Variants in ZFR2 observed in about 807,000 individuals in gnomAD.
ZFR2 encodes the protein zinc finger RNA-binding protein 2.
A neutral mutation model predicts 105.7 loss-of-function variants in ZFR2; 104 were observed. The observed-to-expected ratio is 0.98, with a 90% CI of 0.84 to 1.16. The LOEUF is 1.16. Among genes scored for constraint, ZFR2 ranks in the 50% most tolerant of loss-of-function variants. The pLI is 0.00. For synonymous variants in ZFR2, 634 were observed against 597.7 expected, an observed-to-expected ratio of 1.06 and a Z score of -0.89; for missense variants, 1,425 against 1,355.5, an observed-to-expected ratio of 1.05 and a Z score of -0.80.
intron 5 of ZFR2, among the ~76,000 whole-genome samples, chr19:3,830,973 GCA>G (rs199859043): frequency 1.4e-5 from 2 of 145,334 alleles, no homozygotes; most frequent in South Asian, 2.3e-4. Flanking sequence ...GCACACACAT[GCA>G]CACACATACA....
chr19:3,811,065 C>A (rs904186398), intron 15 of ZFR2, among the ~76,000 whole-genome samples: 2 of 152,194 alleles, frequency 1.3e-5, no homozygotes, highest in African/African-American at 4.8e-5. Flanking sequence ...AGGGCAGCAC[C>A]CACTCCTTCC....
intron 1 of ZFR2, chr19:3,855,558 TGCTGCGC>T: frequency 2.6e-6 from 2 of 769,764 alleles, no homozygotes; most frequent in Non-Finnish European, 3.5e-6. Context: ...TCCAGGAGGG[TGCTGCGC>T]GATAGTCCAG....
At chr19:3,843,899 G>A (rs1366210660) in intron 1 of ZFR2, among the ~76,000 whole-genome samples, 1 of 151,814 alleles carries the variant, frequency 6.6e-6, no homozygotes, top group Non-Finnish European at 1.5e-5. Context: ...TGGATGAACC[G>A]TGAGGACATC....
intron 1 of ZFR2, among the ~76,000 whole-genome samples, chr19:3,863,862 C>T (rs905635540): frequency 2.6e-5 from 4 of 152,166 alleles, no homozygotes; most frequent in African/African-American, 9.7e-5. Flanking sequence ...CCAGTGACTG[C>T]CCCCAAGCCT....
In ZFR2 at chr19:3,821,414, C is replaced by T. The variant is rs200354406; in HGVS notation, c.1557G>A (p.Glu519=). 5 of 1,611,314 alleles carry T rather than the reference C, an allele frequency of 3.1e-6. No individual in the cohort carries two copies. Among genetic ancestry groups the T allele is most frequent in the Non-Finnish European group, 4.2e-6 (5 of 1,178,822 alleles). ...EPSSRARKVL[E]ERMRKQRHLA... Reference sequence around the variant, plus strand: ...GGTGCCGCTGCTTCCTCATGCGCTCCTCCAGGACCTTCCGAGCCCGGCTGC... The same window carrying T: ...GGTGCCGCTGCTTCCTCATGCGCTCTTCCAGGACCTTCCGAGCCCGGCTGC... The change falls in exon 10 of 19, where the codon GAG becomes GAA. Residue 519 remains glutamate, a synonymous_variant. Transcript: ENST00000262961.
In ZFR2 at chr19:3,844,018, G is replaced by GT. The variant is rs111852649; in HGVS notation, c.54-9036_54-9035insA. Among the ~76,000 whole-genome samples, 25 of 119,026 alleles carry GT rather than the reference G, an allele frequency of 2.1e-4. 1 individual carries two copies. In the East Asian group the frequency reaches 3.6e-3, roughly 17 times the overall value. The allele number at this position is 119,026 out of a possible 152,430, so 78.1% of individuals were successfully genotyped here. On this transcript the variant is annotated intron_variant, in intron 1 of 18. Coordinates refer to ENST00000262961, the MANE Select transcript of ZFR2 (RefSeq NM_015174.2). The stretch of plus-strand genomic sequence containing the variant: ...CAGAGACAGAAAGTAGGATGTGGGG[G>GT]GGGGGGTGCCAGGGACCGGGGAGGG...
intron 3 of ZFR2, 79 bp downstream of exon 3, chr19:3,833,585 A>T: frequency 8.2e-7 from 1 of 1,217,594 alleles, no homozygotes; most frequent in Non-Finnish European, 1.1e-6. Context: ...AAAAAAAAAA[A>T]AAAGTAAGTT....
chr19:3,863,053 A>T (rs369364488), intron 1 of ZFR2, among the ~76,000 whole-genome samples: 8 of 152,218 alleles, frequency 5.3e-5, no homozygotes, highest in African/African-American at 1.7e-4. Flanking sequence ...CGGACTCTCC[A>T]GGGCAGCCTG....
In ZFR2 at chr19:3,804,791, T is replaced by C. The variant is rs73521109; in HGVS notation, c.*1158A>G. The C allele has an allele frequency of 0.072, 11,028 of 152,582 alleles. 1,198 individuals carry two copies. Among genetic ancestry groups the C allele is most frequent in the African/African-American group, 0.24 (9,915 of 41,486 alleles). 9.5% of individuals were successfully genotyped at this position (152,582 alleles called of 1,614,324 possible). On this transcript the variant is annotated 3_prime_UTR_variant, in exon 19 of 19. Transcript: ENST00000262961. ...AGCTCCCCTGGGCTTGTCCTGCACA[T>C]GTGGTGGGGCCCCAGAACAGGGCCT...
chr19:3,822,217 C>T lies in ZFR2; in HGVS notation c.1372-17G>A. On this transcript the variant is annotated splice_polypyrimidine_tract_variant and intron_variant, in intron 8 of 18. Transcript: ENST00000262961. ...GCTGAACACCTGAGACACAGAACAGCCGCACGCGCACCAGGCACGAGGCGG... is the reference window on the plus strand; with the variant it reads ...GCTGAACACCTGAGACACAGAACAGTCGCACGCGCACCAGGCACGAGGCGG... 1.3e-6 allele frequency: 2 copies of T among 1,568,962 alleles called. No individual in the cohort carries two copies. Among genetic ancestry groups the T allele is most frequent in the Non-Finnish European group, 1.7e-6 (2 of 1,156,518 alleles).
chr19:3,818,293 T>C (rs2037847375), intron 12 of ZFR2, among the ~76,000 whole-genome samples: 2 of 151,938 alleles, frequency 1.3e-5, no homozygotes, highest in African/African-American at 2.4e-5. Flanking sequence ...TAGCGAGACC[T>C]CTCCCTGCTA....
chr19:3,867,281 GAC>G (rs1453334561), intron 1 of ZFR2, among the ~76,000 whole-genome samples: 1 of 135,696 alleles, frequency 7.4e-6, no homozygotes, highest in Non-Finnish European at 1.6e-5. Context: ...ACACAAGGGT[GAC>G]ACGCGGAAAT....
At chr19:3,841,288 C>A (rs1302490088) in intron 1 of ZFR2, among the ~76,000 whole-genome samples, 1 of 152,238 alleles carries the variant, frequency 6.6e-6, no homozygotes, top group Non-Finnish European at 1.5e-5. Flanking sequence ...CACTCCTCGG[C>A]AGGGCCATGG....
intron 17 of ZFR2, 74 bp downstream of exon 17, chr19:3,808,798 C>G: frequency 7.9e-7 from 1 of 1,266,902 alleles, no homozygotes; most frequent in Non-Finnish European, 1.1e-6. Flanking sequence ...CCCCAGCTCT[C>G]TGTGCCATGG....
At chr19:3,828,954 T>C (rs1461882490) in intron 5 of ZFR2, among the ~76,000 whole-genome samples, 1 of 139,194 alleles carries the variant, frequency 7.2e-6, no homozygotes, top group Admixed American at 8.4e-5. Context: ...TCTCTGGAAC[T>C]TAGGAATCTT....
chr19:3,826,326 C>A (rs2037949245), intron 6 of ZFR2, among the ~76,000 whole-genome samples: 1 of 152,074 alleles, frequency 6.6e-6, no homozygotes. Flanking sequence ...CCAGGCCTCT[C>A]AGGGTGGCTC....
At chr19:3,825,132 A>G in intron 7 of ZFR2, 98 bp downstream of exon 7, 1 of 1,351,632 alleles carries the variant, frequency 7.4e-7, no homozygotes, top group Non-Finnish European at 9.6e-7. Flanking sequence ...CCGGGAAGAC[A>G]TGACGAAAAT....
At chr19:3,848,093 T>C (rs1483562017) in intron 1 of ZFR2, among the ~76,000 whole-genome samples, 1 of 152,238 alleles carries the variant, frequency 6.6e-6, no homozygotes, top group African/African-American at 2.4e-5. Flanking sequence ...CCCTTTGGAC[T>C]GAGACCTGCT....
chr19:3,860,999 G>T (rs145772428), intron 1 of ZFR2, among the ~76,000 whole-genome samples: 4 of 152,024 alleles, frequency 2.6e-5, no homozygotes, highest in African/African-American at 9.7e-5. Flanking sequence ...AGACACCACC[G>T]GCTCTTTATA....
Sources: gnomAD v4.1 joint callset for allele counts (sites outside exome capture counted in the v4.1 genomes callset) on GRCh38, gnomAD v4.1.1 for gene constraint, MANE v1.5 for transcripts, NCBI Gene and HGNC (gene_info 2026-07-23, HGNC 2026-07-21) for gene names.